The following USO1 variants were observed in gnomAD, a reference collection of about 807,000 sequenced individuals.
USO1 encodes general vesicular transport factor p115.
A neutral mutation model predicts 124.5 loss-of-function variants in USO1; 57 were observed. The ratio of observed to expected loss-of-function variants is 0.46; its 90% confidence interval spans 0.37 to 0.57. USO1 has a LOEUF of 0.57. Among genes scored for constraint, USO1 ranks in the 20% least tolerant of loss-of-function variants. USO1 has a pLI of 0.00. For synonymous variants in USO1, 369 were observed against 362.8 expected (o/e 1.02, Z -0.19); for missense variants, 900 against 1,040.6 (o/e 0.86, Z 1.86).
At chr4:75,736,175 A>G (rs1225419898) in intron 1 of USO1, among the ~76,000 whole-genome samples, 2 of 152,090 alleles carry the variant, frequency 1.3e-5, no homozygotes, top group African/African-American at 4.8e-5. Flanking sequence ...CACTATTACT[A>G]GTTTGGCATA....
rs375866579 is a variant in USO1 at position 75,762,164 on chromosome 4, C to CTTT, written c.295+4614_295+4616dup. Among the ~76,000 whole-genome samples the CTTT allele has an allele frequency of 1.1e-3, 78 of 70,148 alleles. 1 individual carries two copies. The highest frequency in any genetic ancestry group is 3.6e-3 in the African/African-American group (64 of 17,724). 46.0% of individuals were successfully genotyped at this position (70,148 alleles called of 152,430 possible). The stretch of plus-strand genomic sequence containing the variant: ...CTGAGTAAGTAGAAGAACAATTTTA[C>CTTT]TTTTTTTTTTTTTTTTTTTTTTTTT... On this transcript the variant is annotated intron_variant, in intron 4 of 23. Coordinates refer to ENST00000514213, the MANE Select transcript of USO1 (RefSeq NM_003715.4).
At chr4:75,788,877 A>T (rs1194057126) in intron 10 of USO1, among the ~76,000 whole-genome samples, 3 of 152,070 alleles carry the variant, frequency 2.0e-5, no homozygotes, top group East Asian at 1.9e-4. Context: ...GTAACGAGAA[A>T]TTTTTTTATT....
chr4:75,757,504 T>C lies in USO1; in HGVS notation c.226T>C (p.Ser76Pro), dbSNP rs1721480773. Residue 76 changes from serine to proline, a missense_variant, in exon 4 of 24, where the codon TCT (serine) becomes CCT (proline). Coordinates refer to ENST00000514213, the MANE Select transcript of USO1 (RefSeq NM_003715.4). ...ATAATTTCTTTTTTCCAGTTCAGATTCTGAAATAATAGGTTATGCTTTGGA... is the reference window on the plus strand; with the variant it reads ...ATAATTTCTTTTTTCCAGTTCAGATCCTGAAATAATAGGTTATGCTTTGGA... ...IHVLQTDRSD[S>P]EIIGYALDTL... is the part of the protein sequence containing the mutation. 3 of 1,508,118 alleles carry C rather than the reference T, an allele frequency of 2.0e-6. No homozygotes were observed. Among genetic ancestry groups the C allele is most frequent in the Admixed American group, 4.5e-5 (2 of 44,080 alleles). 93.4% of individuals were successfully genotyped at this position (1,508,118 alleles called of 1,614,324 possible). A position where few individuals can be genotyped will look rare whatever the true frequency, so the allele number is the denominator to read the frequency against.
intron 7 of USO1, among the ~76,000 whole-genome samples, chr4:75,774,150 GA>G (rs1722009128): frequency 6.6e-6 from 1 of 152,188 alleles, no homozygotes; most frequent in African/African-American, 2.4e-5. Context: ...TGCCATTCAC[GA>G]AGCATCAATT....
intron 1 of USO1, among the ~76,000 whole-genome samples, chr4:75,746,758 C>T (rs758240833): frequency 6.6e-5 from 10 of 152,070 alleles, no homozygotes; most frequent in Non-Finnish European, 1.3e-4. Flanking sequence ...TTGCATAGTC[C>T]GTGTTCTCAA....
rs1178917465 is a variant in USO1, at chr4:75,796,429, G to A, written c.1452+2528G>A. Reference sequence around the variant, plus strand: ...TGGCTCACCGCAACCTCTGCCTTCTGGGTTCAAGCGATTCTCCTGCCTCAG... The same window carrying A: ...TGGCTCACCGCAACCTCTGCCTTCTAGGTTCAAGCGATTCTCCTGCCTCAG... On this transcript the variant is annotated intron_variant, in intron 13 of 23. Coordinates refer to ENST00000514213, the MANE Select transcript of USO1 (RefSeq NM_003715.4). Among the ~76,000 whole-genome samples the A allele has an allele frequency of 2.7e-5, 4 of 147,902 alleles. No individual in the cohort carries two copies. The Admixed American group carries it at 2.8e-4, about 10-fold the overall frequency.
intron 1 of USO1, among the ~76,000 whole-genome samples, chr4:75,731,601 A>T (rs2149137047): frequency 6.6e-6 from 1 of 152,270 alleles, no homozygotes; most frequent in East Asian, 1.9e-4. Flanking sequence ...TAAAACAATA[A>T]TATTTTTATT....
rs71210204 is a variant in USO1, at chr4:75,780,640, C to CTTTTTTTTTTT, written c.677-2025_677-2015dup. ...CCCATGGATCAAGGATAAATTTTGACTTTTTTTTTTTTTTTTTTTTTTTTT... is the reference window on the plus strand; with the variant it reads ...CCCATGGATCAAGGATAAATTTTGACTTTTTTTTTTTTTTTTTTTTTTTTTTTTTTTTTTTT... On this transcript the variant is annotated intron_variant, in intron 8 of 23. Coordinates refer to ENST00000514213, the MANE Select transcript of USO1 (RefSeq NM_003715.4). Among the ~76,000 whole-genome samples, 10 of 59,156 alleles carry CTTTTTTTTTTT rather than the reference C, an allele frequency of 1.7e-4. 1 individual carries two copies. The highest frequency in any genetic ancestry group is 2.0e-4 in the Non-Finnish European group (7 of 34,672). The allele number at this position is 59,156 out of a possible 152,430, so 38.8% of individuals were successfully genotyped here. A position where few individuals can be genotyped will look rare whatever the true frequency, so the allele number is the denominator to read the frequency against.
chr4:75,745,274 T>C, intron 1 of USO1: 1 of 499,996 alleles, frequency 2.0e-6, no homozygotes. Context: ...CTTTCCCAAA[T>C]TGAGGCTTTC....
intron 1 of USO1, among the ~76,000 whole-genome samples, chr4:75,729,688 A>C (rs1262372653): frequency 5.3e-5 from 8 of 152,112 alleles, no homozygotes; most frequent in African/African-American, 1.9e-4. Context: ...ATTCCAAGCA[A>C]GTGTTAACTA....
chr4:75,747,585 C>G, intron 1 of USO1, among the ~76,000 whole-genome samples: 1 of 134,768 alleles, frequency 7.4e-6, no homozygotes, highest in East Asian at 2.1e-4. Context: ...ATAAGTTGTT[C>G]TTATATTCAC....
chr4:75,783,920 A>T (rs772937920), intron 9 of USO1, among the ~76,000 whole-genome samples: 1 of 152,226 alleles, frequency 6.6e-6, no homozygotes, highest in Non-Finnish European at 1.5e-5. Context: ...TCTGTTTTCA[A>T]ATGTTGGTAT....
intron 1 of USO1, among the ~76,000 whole-genome samples, chr4:75,747,892 C>T (rs1232912482): frequency 2.1e-5 from 3 of 141,764 alleles, no homozygotes; most frequent in African/African-American, 2.6e-5. Context: ...TGAGCCACCT[C>T]ACCTGGCCTT....
At chr4:75,745,420 T>C in intron 1 of USO1, 1 of 505,246 alleles carries the variant, frequency 2.0e-6, no homozygotes, top group Non-Finnish European at 3.9e-6. Context: ...AAAAAAAAAT[T>C]CTTGCAGTCC....
At chr4:75,763,214 G>A (rs1399634920) in intron 4 of USO1, among the ~76,000 whole-genome samples, 2 of 152,154 alleles carry the variant, frequency 1.3e-5, no homozygotes, top group Non-Finnish European at 2.9e-5. Flanking sequence ...TTAAATGCCA[G>A]CCATATAAAC....
rs769813075 is a variant in USO1, at chr4:75,770,852, G to A, written c.427G>A (p.Val143Met). 1 of 1,613,624 alleles carries A rather than the reference G, an allele frequency of 6.2e-7. No homozygotes were observed. The highest frequency in any genetic ancestry group is 2.2e-5 in the East Asian group (1 of 44,866). ...EFDFHVRWPG[V>M]KLLTSLLKQL... The stretch of plus-strand genomic sequence containing the variant: ...TGATTTCCATGTCCGCTGGCCTGGT[G>A]TGAAGCTTCTTACTTCTCTTTTAAA... Residue 143 changes from valine to methionine, a missense_variant, in exon 6 of 24, where the codon GTG (valine) becomes ATG (methionine). Val to Met is a conservative substitution (Grantham distance 21, BLOSUM62 1). Coordinates refer to ENST00000514213, the MANE Select transcript of USO1 (RefSeq NM_003715.4).
intron 2 of USO1, 23 bp from the exon 3 acceptor site, chr4:75,752,511 TTAGTAA>T (rs1721320645): frequency 2.5e-6 from 1 of 398,368 alleles, no homozygotes; most frequent in African/African-American, 2.1e-5. Flanking sequence ...ATTAGTTACT[TTAGTAA>T]CATTTTTATT....
intron 13 of USO1, among the ~76,000 whole-genome samples, chr4:75,798,306 G>A (rs1722746690): frequency 6.6e-6 from 1 of 152,000 alleles, no homozygotes; most frequent in Non-Finnish European, 1.5e-5. Flanking sequence ...GGTATATTTG[G>A]TACCTGCAAA....
intron 1 of USO1, among the ~76,000 whole-genome samples, chr4:75,729,655 T>G (rs1720573769): frequency 1.3e-5 from 2 of 152,200 alleles, no homozygotes; most frequent in African/African-American, 4.8e-5. Flanking sequence ...ACTTGTACCT[T>G]TTTTAAAGCT....
Sources: allele counts gnomAD v4.1 joint callset (sites outside exome capture counted in the v4.1 genomes callset), GRCh38; gene constraint gnomAD v4.1.1; transcripts MANE v1.5; gene names NCBI Gene and HGNC (gene_info 2026-07-23, HGNC 2026-07-21).